TMEM131L: variants seen among roughly 807,000 people sequenced by gnomAD.
The protein encoded by TMEM131L is transmembrane protein 131-like.
Under a neutral mutation model 192.2 loss-of-function variants are expected in TMEM131L, and 54 were observed. That is an observed-to-expected ratio of 0.28 (90% CI 0.23 to 0.35). The LOEUF is 0.35. Among genes scored for constraint, TMEM131L ranks in the 10% least tolerant of loss-of-function variants. The probability of loss-of-function intolerance (pLI) is 1.00; values close to 1 mark genes in which losing one functional copy is unlikely to be tolerated. For synonymous variants in TMEM131L, 701 were observed against 704.9 expected, an observed-to-expected ratio of 0.99 and a Z score of 0.09; for missense variants, 1,888 against 1,972.9, an observed-to-expected ratio of 0.96 and a Z score of 0.82.
chr4:153,539,299 A>G (rs925105357), intron 3 of TMEM131L, among the ~76,000 whole-genome samples: 1 of 152,132 alleles, frequency 6.6e-6, no homozygotes, highest in African/African-American at 2.4e-5. Context: ...GTTGGGTTTC[A>G]TATAAGAAAA....
chr4:153,535,114 A>G (rs1026178470), intron 3 of TMEM131L, among the ~76,000 whole-genome samples: 1 of 152,174 alleles, frequency 6.6e-6, no homozygotes. Flanking sequence ...GAGAGACATG[A>G]TGGGTGCTTG....
chr4:153,595,021 A>C (rs1305801538), intron 19 of TMEM131L, among the ~76,000 whole-genome samples: 1 of 152,232 alleles, frequency 6.6e-6, no homozygotes, highest in Non-Finnish European at 1.5e-5. Context: ...GATGTAACTC[A>C]TTTGGAAGAA....
chr4:153,636,532 A>C lies in TMEM131L; in HGVS notation c.4789A>C (p.Asn1597His). The change falls in exon 35 of 35, where the codon AAT becomes CAT. Residue 1597 changes from asparagine (N) to histidine (H), a missense_variant. Asn to His is a moderately conservative substitution (Grantham distance 68, BLOSUM62 1). Coordinates refer to ENST00000409959, the MANE Select transcript of TMEM131L (RefSeq NM_001131007.2). ...GACTACCACAGCGAATAGGAATGCA[A>C]ATTTCCCACTGTCTAGAGACTCGAG... The part of the protein sequence containing the change: ...IWTTTANRNA[N>H]FPLSRDSSYC... The C allele has an allele frequency of 6.2e-7, 1 of 1,614,240 alleles. No homozygotes were observed. Among genetic ancestry groups the C allele is most frequent in the East Asian group, 2.2e-5 (1 of 44,890 alleles).
intron 28 of TMEM131L, among the ~76,000 whole-genome samples, chr4:153,622,401 C>T (rs1328859444): frequency 9.9e-5 from 15 of 152,176 alleles, no homozygotes; most frequent in South Asian, 6.2e-4. Context: ...CCCCATGTCC[C>T]GACACAGGCC....
chr4:153,608,255 T>C (rs1331684818), intron 25 of TMEM131L, among the ~76,000 whole-genome samples: 4 of 152,252 alleles, frequency 2.6e-5, no homozygotes, highest in African/African-American at 9.6e-5. Context: ...GCTGACATTC[T>C]TTAGGGCTCT....
In TMEM131L at chr4:153,543,487, C is replaced by T. The variant is rs371470708; in HGVS notation, c.240-6586C>T. On this transcript the variant is annotated intron_variant, in intron 3 of 34. Coordinates refer to ENST00000409959, the MANE Select transcript of TMEM131L (RefSeq NM_001131007.2). The stretch of plus-strand genomic sequence containing the variant: ...GTTTTTCAAGGAAGGCCCTAAAGGT[C>T]AGTGCCTTGCCTCAGTTCATAGGCG... Among the ~76,000 whole-genome samples, 6 of 152,188 alleles carry T rather than the reference C, an allele frequency of 3.9e-5. No individual in the cohort carries two copies. In the East Asian group the frequency reaches 7.7e-4, roughly 20 times the overall value.
At chr4:153,543,756 A>T (rs1483172015) in intron 3 of TMEM131L, among the ~76,000 whole-genome samples, 1 of 152,248 alleles carries the variant, frequency 6.6e-6, no homozygotes, top group Non-Finnish European at 1.5e-5. Flanking sequence ...GTATCCCATC[A>T]GACACACTGT....
intron 3 of TMEM131L, among the ~76,000 whole-genome samples, chr4:153,495,600 A>C (rs1733120838): frequency 6.6e-6 from 1 of 152,272 alleles, no homozygotes; most frequent in Non-Finnish European, 1.5e-5. Context: ...TTACATAAAC[A>C]ATAGGTCAGA....
intron 4 of TMEM131L, among the ~76,000 whole-genome samples, chr4:153,550,488 G>A (rs1185567663): frequency 2.6e-5 from 4 of 151,930 alleles, no homozygotes; most frequent in African/African-American, 4.8e-5. Context: ...CACCACGCCC[G>A]GCTAATTTTT....
intron 3 of TMEM131L, among the ~76,000 whole-genome samples, chr4:153,482,099 C>T (rs1350187737): frequency 1.3e-5 from 2 of 152,196 alleles, no homozygotes; most frequent in Non-Finnish European, 1.5e-5. Flanking sequence ...CTGCCTCGGC[C>T]TCCCAAAGTG....
At chr4:153,509,600 C>T (rs1580102661) in intron 3 of TMEM131L, among the ~76,000 whole-genome samples, 2 of 152,228 alleles carry the variant, frequency 1.3e-5, no homozygotes, top group East Asian at 1.9e-4. Flanking sequence ...ATGGCACATG[C>T]CTGTAGTCCC....
At chr4:153,506,610 A>AT in intron 3 of TMEM131L, among the ~76,000 whole-genome samples, 1 of 152,132 alleles carries the variant, frequency 6.6e-6, no homozygotes. Flanking sequence ...TGAGAGGCCA[A>AT]GGGGGGGACT....
Position 153,602,657 on chromosome 4 carries a change from T to C in TMEM131L, c.2569T>C (p.Leu857=). The change falls in exon 23 of 35, where the codon TTG becomes CTG. Residue 857 remains leucine, a synonymous_variant. Coordinates refer to ENST00000409959, the MANE Select transcript of TMEM131L (RefSeq NM_001131007.2). The part of the protein sequence containing the change: ...NVTLPHHLLP[L]CADVVPGPSW... ...GACTCTCCCTCATCACCTGTTGCCC[T>C]TGTGTGCAGACGTGGTTCCAGGACC... The C allele has an allele frequency of 1.9e-6, 3 of 1,614,154 alleles. No homozygotes were observed. The highest frequency in any genetic ancestry group is 2.5e-6 in the Non-Finnish European group (3 of 1,179,994).
At chr4:153,536,264 C>T (rs1026866664) in intron 3 of TMEM131L, among the ~76,000 whole-genome samples, 7 of 152,150 alleles carry the variant, frequency 4.6e-5, no homozygotes, top group African/African-American at 1.7e-4. Context: ...GCTTGAGGGA[C>T]CACGCAGGGC....
intron 25 of TMEM131L, among the ~76,000 whole-genome samples, chr4:153,607,727 A>C (rs573482322): frequency 4.0e-5 from 6 of 151,880 alleles, no homozygotes; most frequent in Admixed American, 3.9e-4. Context: ...GCTTCCCCCC[A>C]CCCCCGGGTG....
chr4:153,499,741 C>T (rs1309624150), intron 3 of TMEM131L, among the ~76,000 whole-genome samples: 2 of 152,128 alleles, frequency 1.3e-5, no homozygotes, highest in East Asian at 1.9e-4. Flanking sequence ...GACATTCTTA[C>T]CCTGATTGGT....
intron 3 of TMEM131L, among the ~76,000 whole-genome samples, chr4:153,541,736 G>A (rs1736793318): frequency 6.6e-6 from 1 of 152,200 alleles, no homozygotes; most frequent in South Asian, 2.1e-4. Flanking sequence ...GAATCTCTAG[G>A]AAGACCAAAG....
chr4:153,500,666 T>G (rs1733540669), intron 3 of TMEM131L, among the ~76,000 whole-genome samples: 1 of 152,190 alleles, frequency 6.6e-6, no homozygotes, highest in African/African-American at 2.4e-5. Context: ...ACTGCTAACT[T>G]CTCTTTCTCA....
chr4:153,520,064 TG>T (rs1441306711), intron 3 of TMEM131L, among the ~76,000 whole-genome samples: 2 of 152,072 alleles, frequency 1.3e-5, no homozygotes, highest in African/African-American at 4.8e-5. Flanking sequence ...GCACTGACTT[TG>T]GGGGTCAGGG....
Sources: gnomAD v4.1 joint callset for allele counts (sites outside exome capture counted in the v4.1 genomes callset) on GRCh38, gnomAD v4.1.1 for gene constraint, MANE v1.5 for transcripts, NCBI Gene and HGNC (gene_info 2026-07-23, HGNC 2026-07-21) for gene names.